Variants in HDAC9 observed in about 807,000 individuals in gnomAD.
HDAC9 encodes MEF-2 interacting transcription repressor (MITR) protein.
Under a neutral mutation model 139.4 loss-of-function variants are expected in HDAC9, and 41 were observed. The ratio of observed to expected loss-of-function variants is 0.29; its 90% CI spans 0.23 to 0.38. The LOEUF (loss-of-function observed/expected upper bound fraction) is 0.38, where lower values mean the gene tolerates loss of function less well. HDAC9 is among the 10% of genes least tolerant of loss of function. The pLI is 1.00. For missense variants in HDAC9, 1,147 were observed against 1,297.0 expected (o/e 0.88, Z 1.78); for synonymous variants, 517 against 476.2 (o/e 1.09, Z -1.12).
upstream of HDAC9, among the ~76,000 whole-genome samples, chr7:18,493,351 A>T (rs1444445892): frequency 6.6e-6 from 1 of 152,008 alleles, no homozygotes; most frequent in African/African-American, 2.4e-5. Context: ...TCAGTAGATC[A>T]TATTAAATTT....
At chr7:18,732,647 GTATATA>G (rs148206017) in intron 13 of HDAC9, among the ~76,000 whole-genome samples, 2 of 81,894 alleles carry the variant, frequency 2.4e-5, no homozygotes, top group Non-Finnish European at 4.5e-5. Context: ...GTGCATATGT[GTATATA>G]TACACACACA....
intron 1 of HDAC9, among the ~76,000 whole-genome samples, chr7:18,312,010 T>G (rs1799351591): frequency 6.6e-6 from 1 of 152,184 alleles, no homozygotes. Context: ...GTGGAAAAGA[T>G]GTGTACCCAG....
chr7:18,266,872 A>G (rs1208450788), intron 2 of HDAC9, among the ~76,000 whole-genome samples: 1 of 152,132 alleles, frequency 6.6e-6, no homozygotes, highest in East Asian at 1.9e-4. Context: ...CTTTTTGAGA[A>G]CTAGTGCTTT....
intron 1 of HDAC9, among the ~76,000 whole-genome samples, chr7:18,382,282 TG>T (rs1785510939): frequency 1.3e-5 from 2 of 152,342 alleles, no homozygotes; most frequent in Non-Finnish European, 2.9e-5. Context: ...CAATTATATA[TG>T]TAATAGAAAA....
At chr7:18,479,984 C>CTTTTTTTT (rs753734278) in intron 1 of HDAC9, among the ~76,000 whole-genome samples, 1 of 116,148 alleles carries the variant, frequency 8.6e-6, no homozygotes, top group Non-Finnish European at 1.8e-5. Context: ...TCCACTCTGT[C>CTTTTTTTT]TTTTTTTTTT....
chr7:18,196,345 G>C (rs2128155703), intron 2 of HDAC9, among the ~76,000 whole-genome samples: 1 of 152,256 alleles, frequency 6.6e-6, no homozygotes, highest in Non-Finnish European at 1.5e-5. Flanking sequence ...GAAATTAAAT[G>C]ATATATATGG....
chr7:18,873,833 G>A (rs569609756), intron 21 of HDAC9, among the ~76,000 whole-genome samples: 1 of 152,166 alleles, frequency 6.6e-6, no homozygotes, highest in East Asian at 1.9e-4. Context: ...GGGAAGTGTT[G>A]AAGTGTCTGA....
Position 18,882,322 on chromosome 7 carries a change from A to G in HDAC9, c.2803+7726A>G, listed in dbSNP as rs150565820. Among the ~76,000 whole-genome samples, 662 of 152,200 alleles carry G rather than the reference A, an allele frequency of 4.3e-3. 2 individuals are homozygous for G. Among genetic ancestry groups the G allele is most frequent in the Non-Finnish European group, 6.7e-3 (454 of 67,964 alleles). On this transcript the variant is annotated intron_variant, in intron 22 of 25. Coordinates refer to ENST00000686413, the MANE Select transcript of HDAC9 (RefSeq NM_178425.4). ...GTTTTTCTGAAAACTGCTTCTGACA[A>G]TGGACACTTGTTTAATATTTCCCTT...
rs1387865875 is a variant in HDAC9, at chr7:18,290,569, A to G, written c.-42+54A>G. The G allele has an allele frequency of 1.1e-5, 5 of 456,374 alleles. No individual in the cohort carries two copies. The Admixed American group carries it at 1.2e-4, about 11-fold the overall frequency. 28.3% of individuals were successfully genotyped at this position (456,374 alleles called of 1,614,324 possible). The stretch of plus-strand genomic sequence containing the variant: ...AGAACTGTGAAAAAGATAGTGGGGT[A>G]GATGTTTTTAAGTCTGACTCTGCAA... On this transcript the variant is annotated intron_variant, in intron 1 of 3. Transcript: ENST00000413509.
At chr7:18,756,595 G>A (rs558055125) in intron 14 of HDAC9, among the ~76,000 whole-genome samples, 79 of 152,304 alleles carry the variant, frequency 5.2e-4, no homozygotes, top group Middle Eastern at 3.4e-3. Context: ...TTTCTATTGC[G>A]TGTAAGGTTA....
chr7:18,734,997 G>A (rs1036455629), intron 13 of HDAC9, among the ~76,000 whole-genome samples: 1 of 152,236 alleles, frequency 6.6e-6, no homozygotes, highest in Non-Finnish European at 1.5e-5. Flanking sequence ...GTGAAGATGA[G>A]TATTTTTTCA....
chr7:18,089,109 A>C (rs970640519), intron 1 of HDAC9, among the ~76,000 whole-genome samples: 6 of 152,220 alleles, frequency 3.9e-5, no homozygotes, highest in African/African-American at 1.4e-4. Flanking sequence ...GTGAATTGAT[A>C]ATCTTTACTA....
intron 13 of HDAC9, among the ~76,000 whole-genome samples, chr7:18,740,514 C>G (rs1787353630): frequency 6.6e-6 from 1 of 152,218 alleles, no homozygotes; most frequent in Non-Finnish European, 1.5e-5. Flanking sequence ...TGTGTTCTGA[C>G]TGCTCCACTA....
intron 2 of HDAC9, among the ~76,000 whole-genome samples, chr7:18,220,360 C>G (rs1792613760): frequency 6.6e-6 from 1 of 152,020 alleles, no homozygotes; most frequent in South Asian, 2.1e-4. Flanking sequence ...AAGACCGTGC[C>G]AAACAAAGCA....
At chr7:18,427,269 C>T (rs1489361505) in intron 1 of HDAC9, among the ~76,000 whole-genome samples, 2 of 152,160 alleles carry the variant, frequency 1.3e-5, no homozygotes, top group African/African-American at 2.4e-5. Context: ...TTCACACCTA[C>T]AGCCTTATCT....
intron 12 of HDAC9, among the ~76,000 whole-genome samples, chr7:18,703,502 G>A (rs1002248340): frequency 1.3e-5 from 2 of 152,148 alleles, no homozygotes; most frequent in Admixed American, 1.3e-4. Context: ...ATATATGTGA[G>A]AGTAAATCTG....
intron 2 of HDAC9, among the ~76,000 whole-genome samples, chr7:18,268,024 A>G (rs1163970577): frequency 6.6e-6 from 1 of 152,122 alleles, no homozygotes; most frequent in African/African-American, 2.4e-5. Context: ...CTGACTTAAC[A>G]CAATCTTAAT....
intron 1 of HDAC9, among the ~76,000 whole-genome samples, chr7:18,110,164 C>G (rs1783512496): frequency 6.6e-6 from 1 of 152,216 alleles, no homozygotes; most frequent in Non-Finnish European, 1.5e-5. Flanking sequence ...TGGACGTGCA[C>G]TTTCTCTGCA....
At chr7:18,680,252 T>C (rs1355971621) in intron 12 of HDAC9, among the ~76,000 whole-genome samples, 5 of 152,034 alleles carry the variant, frequency 3.3e-5, no homozygotes, top group African/African-American at 1.2e-4. Context: ...TCTCAAAAGA[T>C]TCCAAAGGCT....
Sources: allele counts gnomAD v4.1 joint callset (sites outside exome capture counted in the v4.1 genomes callset), GRCh38; gene constraint gnomAD v4.1.1; transcripts MANE v1.5; gene names NCBI Gene and HGNC (gene_info 2026-07-23, HGNC 2026-07-21).